The following PKIB variants were observed in gnomAD, a reference collection of about 807,000 sequenced individuals.
PKIB encodes the protein cAMP-dependent protein kinase inhibitor beta.
PKIB carries 2 observed loss-of-function variants against 4.5 expected under a neutral mutation model. The ratio of observed to expected loss-of-function variants is 0.44; its 90% confidence interval spans 0.18 to 1.39. The LOEUF is 1.39. Ranked by LOEUF, PKIB falls within the 40% of genes most tolerant of loss-of-function variation. The probability of loss-of-function intolerance (pLI) is 0.27; values close to 1 mark genes in which losing one functional copy is unlikely to be tolerated. For missense variants in PKIB, 94 were observed against 92.6 expected, an observed-to-expected ratio of 1.02 and a Z score of -0.06; for synonymous variants, 38 against 36.0, an observed-to-expected ratio of 1.06 and a Z score of -0.20.
rs57706158 is a variant in PKIB, at chr6:122,571,047, T to TA, written c.-247-14865dup. The stretch of plus-strand genomic sequence containing the variant: ...AAAATTTTCAGAGAGATGGATATCA[T>TA]AAAAAAAAACAATCAGAACTTCTGG... On this transcript the variant is annotated intron_variant, in intron 2 of 6. Coordinates refer to the PKIB transcript ENST00000392491. Among the ~76,000 whole-genome samples, 647 of 150,660 alleles carry TA rather than the reference T, an allele frequency of 4.3e-3. 2 individuals carry two copies. Among genetic ancestry groups the TA allele is most frequent in the African/African-American group, 0.015 (600 of 41,098 alleles).
upstream of PKIB, among the ~76,000 whole-genome samples, chr6:122,606,244 G>C (rs1170426852): frequency 6.6e-6 from 1 of 152,194 alleles, no homozygotes; most frequent in African/African-American, 2.4e-5. Flanking sequence ...GTAGCTATAA[G>C]CTAAAGACAA....
chr6:122,504,187 TG>T (rs1205203220), intron 2 of PKIB, among the ~76,000 whole-genome samples: 1 of 152,246 alleles, frequency 6.6e-6, no homozygotes, highest in Non-Finnish European at 1.5e-5. Context: ...TCAAATCTTT[TG>T]ATCTTAAGGA....
chr6:122,568,198 G>A (rs1773250859), intron 2 of PKIB, among the ~76,000 whole-genome samples: 1 of 151,894 alleles, frequency 6.6e-6, no homozygotes, highest in Non-Finnish European at 1.5e-5. Context: ...TTAATTTAAA[G>A]TAAAAAAATT....
At chr6:122,680,090 A>G (rs539206909) in intron 3 of PKIB, among the ~76,000 whole-genome samples, 1 of 152,370 alleles carries the variant, frequency 6.6e-6, no homozygotes, top group South Asian at 2.1e-4. Flanking sequence ...TAGAACACAT[A>G]AACTCTACTT....
intron 3 of PKIB, among the ~76,000 whole-genome samples, chr6:122,675,898 T>G (rs1777654097): frequency 6.6e-6 from 1 of 151,230 alleles, no homozygotes. Flanking sequence ...GAACACAGAG[T>G]TGATGGTGTA....
chr6:122,592,091 A>T (rs1774036289), intron 3 of PKIB, among the ~76,000 whole-genome samples: 1 of 151,824 alleles, frequency 6.6e-6, no homozygotes, highest in Admixed American at 6.6e-5. Flanking sequence ...CAATTTCAGT[A>T]AACACAGCTG....
chr6:122,687,647 T>C (rs1778146577), intron 3 of PKIB, among the ~76,000 whole-genome samples: 1 of 152,170 alleles, frequency 6.6e-6, no homozygotes, highest in African/African-American at 2.4e-5. Context: ...ATTTCTTTTG[T>C]CAGGGTTTTA....
chr6:122,591,242 C>T (rs1454084892), intron 3 of PKIB, among the ~76,000 whole-genome samples: 3 of 151,370 alleles, frequency 2.0e-5, no homozygotes, highest in Non-Finnish European at 4.4e-5. Flanking sequence ...CACACGTTTT[C>T]CCAGATTAGA....
chr6:122,473,499 A>G (rs1775366057), intron 1 of PKIB, among the ~76,000 whole-genome samples: 2 of 152,220 alleles, frequency 1.3e-5, no homozygotes, highest in Admixed American at 1.3e-4. Context: ...ATACATTAAA[A>G]AAAATTTACT....
intron 2 of PKIB, among the ~76,000 whole-genome samples, chr6:122,507,323 A>G (rs547837230): frequency 4.5e-4 from 68 of 152,270 alleles, no homozygotes; most frequent in Non-Finnish European, 8.7e-4. Flanking sequence ...GCATCTAAAC[A>G]CTATTATTAA....
intron 3 of PKIB, chr6:122,701,627 T>C (rs920917692): frequency 9.1e-7 from 1 of 1,103,764 alleles, no homozygotes; most frequent in African/African-American, 1.6e-5. Context: ...TCAGGTACCC[T>C]TGCCAAATAA....
chr6:122,564,538 GATAAA>G (rs1429453693), intron 2 of PKIB, among the ~76,000 whole-genome samples: 6 of 152,010 alleles, frequency 3.9e-5, no homozygotes, highest in South Asian at 2.1e-4. Context: ...TAACATAATA[GATAAA>G]ATAAAGTAAA....
In PKIB at chr6:122,494,863, G is replaced by A. The variant is rs139844990; in HGVS notation, c.-248+16924G>A. ...TCCCCAGAGGATCCACACTTCCTCC[G>A]TGAACCTTGCAATCCTGGGCATGGG... On this transcript the variant is annotated intron_variant, in intron 2 of 6. Coordinates refer to the PKIB transcript ENST00000392491. Among the ~76,000 whole-genome samples, 14 of 152,298 alleles carry A rather than the reference G, an allele frequency of 9.2e-5. No homozygotes were observed. In the East Asian group the frequency reaches 1.5e-3, roughly 17 times the overall value.
chr6:122,665,679 G>A (rs1777193828), intron 2 of PKIB, among the ~76,000 whole-genome samples: 1 of 151,918 alleles, frequency 6.6e-6, no homozygotes, highest in South Asian at 2.1e-4. Flanking sequence ...AAGAAAGTTG[G>A]TTGTAAAGTC....
chr6:122,660,857 T>C (rs2114912138), intron 2 of PKIB, among the ~76,000 whole-genome samples: 1 of 152,318 alleles, frequency 6.6e-6, no homozygotes, highest in South Asian at 2.1e-4. Context: ...GCAATAAATA[T>C]TACCATTCAT....
At chr6:122,635,050 A>T (rs1165263304) in intron 2 of PKIB, among the ~76,000 whole-genome samples, 2 of 152,208 alleles carry the variant, frequency 1.3e-5, no homozygotes, top group Non-Finnish European at 2.9e-5. Flanking sequence ...TACATAAACC[A>T]CTAGAATCTC....
At chr6:122,716,115 G>A (rs1256632040) in intron 3 of PKIB, among the ~76,000 whole-genome samples, 1 of 152,054 alleles carries the variant, frequency 6.6e-6, no homozygotes, top group Non-Finnish European at 1.5e-5. Context: ...GGATTAAATG[G>A]GATACACAAG....
rs967224180 is a variant in PKIB, at chr6:122,613,452, A to T, written c.-161+2917A>T. On this transcript the variant is annotated intron_variant, in intron 1 of 4. Coordinates refer to ENST00000368452, the MANE Select transcript of PKIB (RefSeq NM_181795.3). Reference sequence around the variant, plus strand: ...GAGTAAGTGATTTCCATATACAAAAATCACATATTAGACCAGGGCTCTGGT... The same window carrying T: ...GAGTAAGTGATTTCCATATACAAAATTCACATATTAGACCAGGGCTCTGGT... Among the ~76,000 whole-genome samples, 14 of 152,260 alleles carry T rather than the reference A, an allele frequency of 9.2e-5. No individual in the cohort carries two copies. The South Asian group carries it at 2.9e-3, about 32-fold the overall frequency.
intron 2 of PKIB, among the ~76,000 whole-genome samples, chr6:122,522,341 G>A (rs1776970265): frequency 6.6e-6 from 1 of 152,174 alleles, no homozygotes; most frequent in African/African-American, 2.4e-5. Context: ...GATCCACTGA[G>A]CAAGACCACT....
Sources: allele counts gnomAD v4.1 joint callset (sites outside exome capture counted in the v4.1 genomes callset), GRCh38; gene constraint gnomAD v4.1.1; transcripts MANE v1.5; gene names NCBI Gene and HGNC (gene_info 2026-07-23, HGNC 2026-07-21).